The following HHATL variants were observed in gnomAD, a reference collection of about 807,000 sequenced individuals.
The protein encoded by HHATL is hedgehog acyltransferase like.
A neutral mutation model predicts 59.7 loss-of-function variants in HHATL; 49 were observed. The observed-to-expected ratio is 0.82, with a 90% CI of 0.65 to 1.04. HHATL has a LOEUF of 1.04. Ranked by LOEUF, HHATL falls within the 50% of genes least tolerant of loss-of-function variation. The pLI, the probability that HHATL is intolerant of heterozygous loss-of-function variation, is 0.00. For missense variants in HHATL, 605 were observed against 650.8 expected (o/e 0.93, Z 0.77); for synonymous variants, 238 against 257.3 (o/e 0.93, Z 0.72).
intron 7 of HHATL, 102 bp from the exon 8 acceptor site, chr3:42,697,247 C>A: frequency 1.4e-6 from 2 of 1,414,154 alleles, no homozygotes; most frequent in Non-Finnish European, 9.5e-7. Flanking sequence ...CAGGCTCTGC[C>A]CGCCCCACGG....
At chr3:42,698,083 C>A in intron 6 of HHATL, 59 bp downstream of exon 6, 2 of 1,520,054 alleles carry the variant, frequency 1.3e-6, no homozygotes, top group South Asian at 1.1e-5. Context: ...GAGATGGAAA[C>A]CCCAATCTGA....
chr3:42,696,821 C>A (rs1436306754), intron 9 of HHATL, 21 bp downstream of exon 9: 1 of 1,613,222 alleles, frequency 6.2e-7, no homozygotes, highest in Non-Finnish European at 8.5e-7. Flanking sequence ...CTGTGACCAC[C>A]CCCACCCCAC....
chr3:42,699,707 G>A (rs749255753), intron 3 of HHATL, 51 bp downstream of exon 3: 2 of 1,454,656 alleles, frequency 1.4e-6, no homozygotes, highest in Admixed American at 2.0e-5. Flanking sequence ...GAACAGCAGA[G>A]AGCAGAGAAG....
At chr3:42,696,643 C>T (rs1403045006) in intron 9 of HHATL, among the ~76,000 whole-genome samples, 199 bp downstream of exon 9, 1 of 152,208 alleles carries the variant, frequency 6.6e-6, no homozygotes. Flanking sequence ...CCTCCCACCA[C>T]CTCTCTCCAC....
chr3:42,698,665 G>C, intron 5 of HHATL, 43 bp downstream of exon 5: 1 of 1,513,566 alleles, frequency 6.6e-7, no homozygotes, highest in Non-Finnish European at 8.8e-7. Context: ...TGAGAGGTTT[G>C]GGATCTTATC....
Position 42,701,662 on chromosome 3 carries a change from C to T in HHATL, c.-13-823G>A, listed in dbSNP as rs1697997369. ...AGAATCAGGCCCCGGCTGAGTCTCACCACTCCCTCCAGCGGGGGCCTAGCT... is the reference window on the plus strand; with the variant it reads ...AGAATCAGGCCCCGGCTGAGTCTCATCACTCCCTCCAGCGGGGGCCTAGCT... On this transcript the variant is annotated intron_variant, in intron 1 of 11. Coordinates refer to ENST00000441594, the MANE Select transcript of HHATL (RefSeq NM_020707.4). This position sits in a 1 kb window ranked among gnomAD's most constrained non-coding sequence, Gnocchi z 5.1. 6.6e-6 allele frequency: 1 copy of T among 152,386 alleles called. No homozygotes were observed. Among genetic ancestry groups the T allele is most frequent in the Non-Finnish European group, 1.5e-5 (1 of 68,182 alleles). 9.4% of individuals were successfully genotyped at this position (152,386 alleles called of 1,614,324 possible).
At chr3:42,696,946 T>A in intron 8 of HHATL, 55 bp downstream of exon 8, 1 of 1,613,896 alleles carries the variant, frequency 6.2e-7, no homozygotes, top group Non-Finnish European at 8.5e-7. Flanking sequence ...GGGAAGAGGC[T>A]AGGGGAAGGT....
At chr3:42,699,266 A>C (rs1273454881) in intron 3 of HHATL, 121 bp from the exon 4 acceptor site, 2 of 477,216 alleles carry the variant, frequency 4.2e-6, no homozygotes, top group Non-Finnish European at 7.5e-6. Flanking sequence ...TTCTTCTTTT[A>C]TTATTATCAT....
In HHATL at chr3:42,697,474, CAGCCCTGCCCCCATTTCTCT is replaced by C; in HGVS notation, c.865+14_865+33del. ...CAGAGGGTCTGTTTTCCTGGGGCGG[CAGCCCTGCCCCCATTTCTCT>C]TCTGTGGACCCACCGAGGGCACTGT... On this transcript the variant is annotated intron_variant, in intron 7 of 11. Transcript: ENST00000441594. The C allele has an allele frequency of 6.3e-7, 1 of 1,594,900 alleles. No individual in the cohort carries two copies. Among genetic ancestry groups the C allele is most frequent in the Non-Finnish European group, 8.6e-7 (1 of 1,167,630 alleles).
rs773079736 is a variant in HHATL, at chr3:42,692,758, G to GC, written c.1507_1508insG (p.Pro503ArgfsTer8). On this transcript the variant is annotated frameshift_variant, in exon 12 of 12. Transcript: ENST00000441594. LOFTEE classifies it high-confidence loss of function. ...CCCTCTACCCGCTCCCTCCTACTCC[G>GC]GCTTCTCTTTGTCCTGCTTCTGCTC... is the stretch of plus-strand genomic sequence containing the variant. 2.5e-4 allele frequency: 398 copies of GC among 1,614,148 alleles called. No individual in the cohort carries two copies. Among genetic ancestry groups the GC allele is most frequent in the Middle Eastern group, 9.9e-4 (6 of 6,062 alleles).
At chr3:42,696,745 C>G (rs1007458948) in intron 9 of HHATL, 97 bp downstream of exon 9, 13 of 1,351,880 alleles carry the variant, frequency 9.6e-6, no homozygotes, top group Middle Eastern at 1.9e-4. Context: ...TCCCCTGGCC[C>G]AGGGGTGATC....
At chr3:42,694,970 G>T (rs185924046) in intron 9 of HHATL, among the ~76,000 whole-genome samples, 53 of 152,230 alleles carry the variant, frequency 3.5e-4, no homozygotes, top group Non-Finnish European at 6.8e-4. Context: ...ATGAGTTCAG[G>T]GTCTTTGCCA....
intron 9 of HHATL, 98 bp from the exon 10 acceptor site, chr3:42,693,916 A>G: frequency 1.0e-6 from 1 of 969,810 alleles, no homozygotes; most frequent in Non-Finnish European, 1.6e-6. Context: ...CAACACTGTC[A>G]CCCTGGGTGC....
In HHATL at chr3:42,699,088, AGAT is replaced by A. The variant is rs1697805242; in HGVS notation, c.229_231del (p.Ile77del). On this transcript the variant is annotated inframe_deletion, in exon 4 of 12. Transcript: ENST00000441594. ...AACAGCACATGTCCGGAGAGGGCAA[AGAT>A]GATGACGTTGCGAAAGGAGGTGAAC... The A allele has an allele frequency of 6.2e-7, 1 of 1,613,956 alleles. No individual in the cohort carries two copies. The highest frequency in any genetic ancestry group is 1.3e-5 in the African/African-American group (1 of 74,886).
At position 42,697,688 on chromosome 3, in the gene HHATL, A is replaced by G. The variant is rs764262764; in HGVS notation, c.694-9T>C. On this transcript the variant is annotated splice_polypyrimidine_tract_variant and intron_variant, in intron 6 of 11. Transcript: ENST00000441594. The stretch of plus-strand genomic sequence containing the variant: ...GGCTCCACCTGGCTCACCTGGGGGG[A>G]TGCGAAGGGTCTGAGGGAAGAGGCA... The G allele has an allele frequency of 1.9e-6, 3 of 1,611,056 alleles. No individual in the cohort carries two copies. The highest frequency in any genetic ancestry group is 2.5e-6 in the Non-Finnish European group (3 of 1,178,078).
rs375694751 is a variant in HHATL at position 42,692,757 on chromosome 3, C to T, written c.1509G>A (p.Pro503=). 8.2e-5 allele frequency: 132 copies of T among 1,614,042 alleles called. No homozygotes were observed. The highest frequency in any genetic ancestry group is 9.5e-5 in the Non-Finnish European group (112 of 1,179,984). Residue 503 remains proline, a synonymous_variant, in exon 12 of 12, where the codon CCG becomes CCA. Transcript: ENST00000441594. ...TCCCTCTACCCGCTCCCTCCTACTC[C>T]GGCTTCTCTTTGTCCTGCTTCTGCT... is the stretch of plus-strand genomic sequence containing the variant. ...EEEQKQDKEK[P]E
chr3:42,699,913 A>G, intron 2 of HHATL, 88 bp from the exon 3 acceptor site: 1 of 1,079,056 alleles, frequency 9.3e-7, no homozygotes, highest in Non-Finnish European at 1.4e-6. Context: ...CACCCTGGGG[A>G]GCGAGGGCAT....
intron 8 of HHATL, 23 bp from the exon 9 acceptor site, chr3:42,696,900 C>T: frequency 6.2e-7 from 1 of 1,614,182 alleles, no homozygotes; most frequent in Non-Finnish European, 8.5e-7. Context: ...AGCAGATGGG[C>T]ATGTTGCCAT....
In HHATL at chr3:42,699,783, C is replaced by T. The variant is rs777727269; in HGVS notation, c.149G>A (p.Gly50Asp). 3 of 1,579,770 alleles carry T rather than the reference C, an allele frequency of 1.9e-6. No individual in the cohort carries two copies. The highest frequency in any genetic ancestry group is 2.3e-5 in the East Asian group (1 of 42,944). ...RKAFRESVRP[G>D]WEYIGRKMDV... is the part of the protein sequence containing the mutation. Reference sequence around the variant, plus strand: ...CATCTTCCGGCCAATGTACTCCCAGCCAGGTCGCACAGACTCCCGGAAGGC... The same window carrying T: ...CATCTTCCGGCCAATGTACTCCCAGTCAGGTCGCACAGACTCCCGGAAGGC... Residue 50 changes from glycine to aspartate, a missense_variant, in exon 3 of 12, where the codon GGC becomes GAC. Transcript: ENST00000441594.
Sources: gnomAD v4.1 joint callset for allele counts (sites outside exome capture counted in the v4.1 genomes callset) on GRCh38, gnomAD v4.1.1 for gene constraint, Gnocchi (gnomAD v3.1) non-coding constraint, MANE v1.5 for transcripts, NCBI Gene and HGNC (gene_info 2026-07-23, HGNC 2026-07-21) for gene names.